The following NCAM2 variants were observed in gnomAD, a reference collection of about 807,000 sequenced individuals.
The protein encoded by NCAM2 is neural cell adhesion molecule 2.
In NCAM2, 30 loss-of-function variants were observed where a neutral mutation model predicts 98.1. The observed-to-expected ratio is 0.31, with a 90% CI of 0.23 to 0.41. The LOEUF is 0.41. NCAM2 is among the 10% of genes least tolerant of loss of function. The pLI, the probability that NCAM2 is intolerant of heterozygous loss-of-function variation, is 1.00. For missense variants in NCAM2, 867 were observed against 1,005.8 expected, an observed-to-expected ratio of 0.86 and a Z score of 1.87; for synonymous variants, 368 against 342.4, an observed-to-expected ratio of 1.07 and a Z score of -0.83.
At chr21:21,272,514 A>ATG (rs1361955943) in intron 1 of NCAM2, among the ~76,000 whole-genome samples, 19 of 142,516 alleles carry the variant, frequency 1.3e-4, no homozygotes, top group Admixed American at 4.2e-4. Context: ...GCGCGCACAC[A>ATG]CACACACACA....
intron 1 of NCAM2, among the ~76,000 whole-genome samples, chr21:21,147,408 CATTTA>C (rs2067311117): frequency 6.6e-6 from 1 of 151,916 alleles, no homozygotes; most frequent in Non-Finnish European, 1.5e-5. Context: ...ACTCTGATTT[CATTTA>C]ATTTTTTATT....
chr21:21,208,194 A>T (rs1299396195), intron 1 of NCAM2, among the ~76,000 whole-genome samples: 1 of 152,192 alleles, frequency 6.6e-6, no homozygotes, highest in Non-Finnish European at 1.5e-5. Context: ...CAAGCTATAA[A>T]TACTTCCAAG....
chr21:21,134,639 A>G (rs1395338997), intron 1 of NCAM2, among the ~76,000 whole-genome samples: 1 of 151,700 alleles, frequency 6.6e-6, no homozygotes. Flanking sequence ...TAGTCTTTAG[A>G]TTTACCATAT....
chr21:21,358,598 A>G (rs2075560310), intron 8 of NCAM2, among the ~76,000 whole-genome samples: 1 of 152,070 alleles, frequency 6.6e-6, no homozygotes, highest in Admixed American at 6.6e-5. Flanking sequence ...CATAAAACAA[A>G]TTAGTTCATA....
At chr21:21,089,203 A>T (rs995597986) in intron 1 of NCAM2, among the ~76,000 whole-genome samples, 1 of 152,196 alleles carries the variant, frequency 6.6e-6, no homozygotes, top group African/African-American at 2.4e-5. Context: ...TGAAAATATG[A>T]TTAAAAAATT....
chr21:21,467,382 T>TTATA (rs34963977), intron 13 of NCAM2, among the ~76,000 whole-genome samples: 14 of 143,744 alleles, frequency 9.7e-5, no homozygotes, highest in Admixed American at 1.4e-4. Context: ...ATATATATCT[T>TTATA]TATATATATA....
rs138122732 is a variant in NCAM2, at chr21:21,300,202, T to C, written c.619+7961T>C. Among the ~76,000 whole-genome samples the C allele has an allele frequency of 5.0e-3, 765 of 152,042 alleles. 6 individuals are homozygous for C. The highest frequency in any genetic ancestry group is 0.018 in the African/African-American group (732 of 41,496). The stretch of plus-strand genomic sequence containing the variant: ...GTGCAGCCAGAAAAAGAATGCAAAG[T>C]GTCAGACCTGTGAGAGACAATCCCC... On this transcript the variant is annotated intron_variant, in intron 5 of 17. Transcript: ENST00000400546.
At chr21:21,524,042 A>C (rs1989181288) in intron 16 of NCAM2, among the ~76,000 whole-genome samples, 1 of 150,496 alleles carries the variant, frequency 6.6e-6, no homozygotes, top group Admixed American at 6.6e-5. Context: ...TATTGTCCAC[A>C]CACACACACA....
chr21:21,027,333 C>T (rs2064571620), intron 1 of NCAM2, among the ~76,000 whole-genome samples: 1 of 152,024 alleles, frequency 6.6e-6, no homozygotes, highest in South Asian at 2.1e-4. Flanking sequence ...CAACTGTTTA[C>T]CAGTCATTAT....
chr21:21,012,375 G>A (rs2064227622), intron 1 of NCAM2, among the ~76,000 whole-genome samples: 1 of 152,058 alleles, frequency 6.6e-6, no homozygotes, highest in Non-Finnish European at 1.5e-5. Context: ...CAATAATTTA[G>A]TAAGCCGTCA....
At chr21:21,302,307 A>G (rs9917508) in intron 5 of NCAM2, among the ~76,000 whole-genome samples, 126,301 of 152,052 alleles carry the variant, frequency 0.83, 52,745 homozygotes, top group East Asian at 0.99. Flanking sequence ...ATGAAAGGTA[A>G]GGGTCCAGTT....
chr21:21,242,028 A>G (rs1466781748), intron 1 of NCAM2, among the ~76,000 whole-genome samples: 1 of 152,194 alleles, frequency 6.6e-6, no homozygotes, highest in African/African-American at 2.4e-5. Flanking sequence ...TAAATCATTC[A>G]TTCAGTCAGC....
intron 1 of NCAM2, among the ~76,000 whole-genome samples, chr21:21,038,634 G>T (rs1341985298): frequency 6.6e-6 from 1 of 152,152 alleles, no homozygotes. Flanking sequence ...TTCCACCAAG[G>T]TTATAAGCTT....
intron 1 of NCAM2, among the ~76,000 whole-genome samples, chr21:21,077,774 TTATTTA>T (rs2065709436): frequency 6.6e-6 from 1 of 152,132 alleles, no homozygotes; most frequent in African/African-American, 2.4e-5. Flanking sequence ...TAAAAATAGA[TTATTTA>T]TAGGTAAACA....
chr21:21,258,114 G>A (rs888299384), intron 1 of NCAM2, among the ~76,000 whole-genome samples: 1 of 152,140 alleles, frequency 6.6e-6, no homozygotes, highest in Non-Finnish European at 1.5e-5. Flanking sequence ...TTCATTATCT[G>A]GAAAAACAAC....
intron 8 of NCAM2, among the ~76,000 whole-genome samples, chr21:21,362,103 G>A (rs1009802897): frequency 6.6e-5 from 10 of 151,402 alleles, no homozygotes; most frequent in Admixed American, 5.9e-4. Flanking sequence ...ACTTGCCTGC[G>A]TTATTTCAGT....
chr21:21,487,721 G>C (rs553606275), intron 15 of NCAM2, among the ~76,000 whole-genome samples: 1 of 152,026 alleles, frequency 6.6e-6, no homozygotes, highest in Admixed American at 6.6e-5. Flanking sequence ...CCATTTTACA[G>C]TCAACGTTAC....
At chr21:21,071,966 G>A (rs2065580371) in intron 1 of NCAM2, among the ~76,000 whole-genome samples, 1 of 151,856 alleles carries the variant, frequency 6.6e-6, no homozygotes, top group Non-Finnish European at 1.5e-5. Flanking sequence ...AGGCTGGAGT[G>A]CAGTGGCGCG....
intron 1 of NCAM2, among the ~76,000 whole-genome samples, chr21:21,002,803 A>G (rs1008411657): frequency 6.6e-6 from 1 of 152,108 alleles, no homozygotes; most frequent in Non-Finnish European, 1.5e-5. Flanking sequence ...TTCTGAAGGG[A>G]CTATCATTGT....
Sources: allele counts gnomAD v4.1 joint callset (sites outside exome capture counted in the v4.1 genomes callset), GRCh38; gene constraint gnomAD v4.1.1; transcripts MANE v1.5; gene names NCBI Gene and HGNC (gene_info 2026-07-23, HGNC 2026-07-21).